Variants in TENM4 observed in about 807,000 individuals in gnomAD.
TENM4 encodes teneurin-4.
Under a neutral mutation model 243.3 loss-of-function variants are expected in TENM4, and 82 were observed. That is an observed-to-expected ratio of 0.34 (90% CI 0.28 to 0.40). The LOEUF is 0.40. TENM4 is among the 10% of genes least tolerant of loss of function. The pLI is 1.00. For synonymous variants in TENM4, 1,412 were observed against 1,456.3 expected, an observed-to-expected ratio of 0.97 and a Z score of 0.69; for missense variants, 3,138 against 3,673.3, an observed-to-expected ratio of 0.85 and a Z score of 3.77.
chr11:78,970,663 G>T (rs1857523266), intron 6 of TENM4, among the ~76,000 whole-genome samples: 1 of 152,150 alleles, frequency 6.6e-6, no homozygotes, highest in Non-Finnish European at 1.5e-5. Flanking sequence ...CTGTTGGATG[G>T]ATATTCTCTA....
At chr11:78,772,058 G>C (rs994270194) in intron 17 of TENM4, among the ~76,000 whole-genome samples, 1 of 152,178 alleles carries the variant, frequency 6.6e-6, no homozygotes, top group Admixed American at 6.5e-5. Flanking sequence ...TACAAAATAT[G>C]GTGGGAACTT....
intron 1 of TENM4, among the ~76,000 whole-genome samples, chr11:79,354,708 C>G (rs574441899): frequency 3.9e-4 from 59 of 152,156 alleles, no homozygotes; most frequent in Non-Finnish European, 6.6e-4. Context: ...CTCAATCCAT[C>G]CCTTTTCTGA....
chr11:78,728,809 T>A (rs1189731235), intron 22 of TENM4, among the ~76,000 whole-genome samples: 1 of 152,090 alleles, frequency 6.6e-6, no homozygotes, highest in Non-Finnish European at 1.5e-5. Flanking sequence ...CAGAAATGCA[T>A]ACAGCCAGCC....
At chr11:79,322,545 A>G (rs1452903995) in intron 1 of TENM4, among the ~76,000 whole-genome samples, 2 of 152,150 alleles carry the variant, frequency 1.3e-5, no homozygotes, top group African/African-American at 4.8e-5. Context: ...CCAAGAAAAG[A>G]GAGAGATTAA....
intron 3 of TENM4, among the ~76,000 whole-genome samples, chr11:79,170,003 A>T (rs1038876941): frequency 6.6e-6 from 1 of 152,190 alleles, no homozygotes; most frequent in African/African-American, 2.4e-5. Context: ...GTGCCTGGGC[A>T]TCTTTGCCCC....
At chr11:79,083,043 G>T (rs1396105473) in intron 4 of TENM4, among the ~76,000 whole-genome samples, 1 of 152,204 alleles carries the variant, frequency 6.6e-6, no homozygotes, top group African/African-American at 2.4e-5. Context: ...AGTTCTACAC[G>T]CCTAATCAAG....
At chr11:79,014,880 T>C (rs613011) in intron 6 of TENM4, 84,455 of 152,100 alleles carry the variant, frequency 0.56, 24,294 homozygotes, top group African/African-American at 0.64. Flanking sequence ...TAGGTCTCCA[T>C]GGGATTAATG....
chr11:79,295,896 AACACACAC>A (rs199711050), intron 2 of TENM4, among the ~76,000 whole-genome samples: 1,739 of 130,914 alleles, frequency 0.013, 43 homozygotes, highest in African/African-American at 0.049. Flanking sequence ...CCAGGGATTA[AACACACAC>A]ACACACACAC....
intron 6 of TENM4, among the ~76,000 whole-genome samples, chr11:78,989,869 C>T (rs2136658385): frequency 6.6e-6 from 1 of 151,950 alleles, no homozygotes; most frequent in African/African-American, 2.4e-5. Context: ...GCCTGGACAA[C>T]ATAACGAAAC....
chr11:79,299,021 T>G (rs1201284129), intron 1 of TENM4, among the ~76,000 whole-genome samples: 1 of 151,940 alleles, frequency 6.6e-6, no homozygotes, highest in African/African-American at 2.4e-5. Flanking sequence ...TTAAAACCAT[T>G]CGGACAATAT....
intron 6 of TENM4, among the ~76,000 whole-genome samples, chr11:78,950,101 G>A: frequency 6.6e-6 from 1 of 152,272 alleles, no homozygotes; most frequent in Non-Finnish European, 1.5e-5. Flanking sequence ...TTGATGACCT[G>A]AGAAGCCTGC....
intron 20 of TENM4, 57 bp downstream of exon 20, chr11:78,738,394 T>C (rs1014851937): frequency 8.3e-6 from 13 of 1,570,962 alleles, no homozygotes; most frequent in Admixed American, 3.8e-5. Flanking sequence ...AGCAGCTATA[T>C]GGCAAGACCA....
chr11:79,412,694 A>C (rs1278452795), intron 1 of TENM4, among the ~76,000 whole-genome samples: 2 of 152,186 alleles, frequency 1.3e-5, no homozygotes, highest in Non-Finnish European at 2.9e-5. Context: ...TCAAATAAAT[A>C]CTCATCCCAT....
rs1433661576 is a variant in TENM4 at position 79,157,174 on chromosome 11, G to A, written c.-162-8368C>T. Among the ~76,000 whole-genome samples, 11 of 152,220 alleles carry A rather than the reference G, an allele frequency of 7.2e-5. No individual in the cohort carries two copies. The East Asian group carries it at 1.5e-3, about 21-fold the overall frequency. On this transcript the variant is annotated intron_variant, in intron 3 of 33. Transcript: ENST00000278550. ...CAGGACACAGAGCCCAGGACTATAC[G>A]ACATTAGTTGGTCATTCTAAGTCCC...
At chr11:79,281,648 G>A (rs978971040) in intron 2 of TENM4, among the ~76,000 whole-genome samples, 17 of 152,246 alleles carry the variant, frequency 1.1e-4, no homozygotes, top group Middle Eastern at 3.4e-3. Context: ...GGCTCCTAGC[G>A]GGGGTATGCT....
rs181432673 is a variant in TENM4, at chr11:79,084,568, A to T, written c.-65-14559T>A. Among the ~76,000 whole-genome samples the T allele has an allele frequency of 1.3e-3, 203 of 152,354 alleles. 1 individual carries two copies. The highest frequency in any genetic ancestry group is 3.1e-3 in the Admixed American group (47 of 15,300). On this transcript the variant is annotated intron_variant, in intron 4 of 33. Transcript: ENST00000278550. ...GAACTAATGCTACCAATAAATCACC[A>T]GGGAATTATGCTGAGTCAACACATA...
In TENM4 at chr11:79,438,625, G is replaced by A. The variant is rs1859329131; in HGVS notation, c.-321+1884C>T. On this transcript the variant is annotated intron_variant, in intron 1 of 33. Transcript: ENST00000278550. This position sits in a 1 kb window ranked among gnomAD's most constrained non-coding sequence, Gnocchi z 4.1. Reference sequence around the variant, plus strand: ...GGTTTCTAAACACGTGAAGGGCACAGGGCTTGAAAGACAAGGAGGGGCGCC... The same window carrying A: ...GGTTTCTAAACACGTGAAGGGCACAAGGCTTGAAAGACAAGGAGGGGCGCC... Among the ~76,000 whole-genome samples the A allele has an allele frequency of 1.3e-5, 2 of 152,210 alleles. No individual in the cohort carries two copies. The highest frequency in any genetic ancestry group is 6.5e-5 in the Admixed American group (1 of 15,286).
chr11:78,984,226 A>G (rs1042659997), intron 6 of TENM4, among the ~76,000 whole-genome samples: 1 of 152,238 alleles, frequency 6.6e-6, no homozygotes, highest in Non-Finnish European at 1.5e-5. Flanking sequence ...ATGGGGATTT[A>G]CAACCTCTGC....
At chr11:78,991,818 T>TA (rs1325189828) in intron 6 of TENM4, among the ~76,000 whole-genome samples, 1 of 152,182 alleles carries the variant, frequency 6.6e-6, no homozygotes, top group Non-Finnish European at 1.5e-5. Flanking sequence ...AGTCTAGGAT[T>TA]AAAAAAGAAA....
Sources: allele counts gnomAD v4.1 joint callset (sites outside exome capture counted in the v4.1 genomes callset), GRCh38; gene constraint gnomAD v4.1.1; non-coding constraint Gnocchi (gnomAD v3.1); transcripts MANE v1.5; gene names NCBI Gene and HGNC (gene_info 2026-07-23, HGNC 2026-07-21).